The following MACF1 variants were observed in gnomAD, a reference collection of about 807,000 sequenced individuals.
The protein encoded by MACF1 is microtubule-actin cross-linking factor 1.
In MACF1, 193 loss-of-function variants were observed where a neutral mutation model predicts 854.8. The ratio of observed to expected loss-of-function variants is 0.23; its 90% confidence interval spans 0.20 to 0.25. The LOEUF (loss-of-function observed/expected upper bound fraction) is 0.25. Ranked by LOEUF, MACF1 falls within the 10% of genes least tolerant of loss-of-function variation. The pLI is 1.00. For missense variants in MACF1, 7,722 were observed against 8,929.1 expected (o/e 0.86, Z 5.45); for synonymous variants, 3,185 against 3,226.7 (o/e 0.99, Z 0.44).
At chr1:39,135,942 A>AGG (rs1643156493) in intron 2 of MACF1, among the ~76,000 whole-genome samples, 1 of 152,134 alleles carries the variant, frequency 6.6e-6, no homozygotes. Flanking sequence ...TATATAGCTG[A>AGG]GGGGTGATGA....
intron 2 of MACF1, among the ~76,000 whole-genome samples, chr1:39,125,690 G>T (rs1032080164): frequency 3.9e-5 from 6 of 152,272 alleles, no homozygotes; most frequent in Non-Finnish European, 8.8e-5. Flanking sequence ...CCATCTTTTT[G>T]ATTTTAGATT....
At chr1:39,416,788 G>A (rs1314892432) in intron 58 of MACF1, among the ~76,000 whole-genome samples, 1 of 152,218 alleles carries the variant, frequency 6.6e-6, no homozygotes. Context: ...TCTTTGAAGT[G>A]TGGTTACTTT....
intron 2 of MACF1, among the ~76,000 whole-genome samples, chr1:39,093,560 A>G (rs1316571468): frequency 1.4e-5 from 2 of 139,326 alleles, no homozygotes; most frequent in African/African-American, 5.5e-5. Flanking sequence ...ATCTCGGCTC[A>G]CTGCAACTTC....
intron 2 of MACF1, among the ~76,000 whole-genome samples, chr1:39,247,105 C>T (rs1299427446): frequency 5.1e-5 from 6 of 118,484 alleles, no homozygotes; most frequent in African/African-American, 2.0e-4. Context: ...CGGAGTTTCG[C>T]TCTGTTGCCC....
intron 2 of MACF1, among the ~76,000 whole-genome samples, chr1:39,235,511 T>C (rs1644850405): frequency 6.6e-6 from 1 of 152,248 alleles, no homozygotes; most frequent in Non-Finnish European, 1.5e-5. Flanking sequence ...AGGAACCTAT[T>C]TGATTCAGTA....
chr1:39,136,489 C>T (rs762547341), intron 2 of MACF1, among the ~76,000 whole-genome samples: 1 of 152,066 alleles, frequency 6.6e-6, no homozygotes, highest in Non-Finnish European at 1.5e-5. Context: ...CTGGTTTGTC[C>T]CCAGTTCCTG....
chr1:39,100,870 T>A (rs533088832), intron 2 of MACF1, among the ~76,000 whole-genome samples: 13 of 151,536 alleles, frequency 8.6e-5, no homozygotes, highest in East Asian at 2.0e-4. Flanking sequence ...ATAAATAAAT[T>A]AAATTAAATT....
Position 39,485,845 on chromosome 1 carries a change from C to G in MACF1, c.*51C>G, listed in dbSNP as rs1448800431. ...TATCCACTTTGAATCCTGCTCCATA[C>G]ATTGGGTGTATATTTATTCTGAACG... On this transcript the variant is annotated 3_prime_UTR_variant, in exon 101 of 101. Coordinates refer to ENST00000564288, the MANE Select transcript of MACF1 (RefSeq NM_001394062.1). 4.7e-6 allele frequency: 7 copies of G among 1,501,880 alleles called. No individual in the cohort carries two copies. The highest frequency in any genetic ancestry group is 6.2e-6 in the Non-Finnish European group (7 of 1,123,274). The allele number at this position is 1,501,880 out of a possible 1,614,324, so 93.0% of individuals were successfully genotyped here. A position where few individuals can be genotyped will look rare whatever the true frequency, so the allele number is the denominator to read the frequency against.
At chr1:39,390,718 A>G (rs960867760) in intron 58 of MACF1, among the ~76,000 whole-genome samples, 1 of 152,220 alleles carries the variant, frequency 6.6e-6, no homozygotes, top group Non-Finnish European at 1.5e-5. Flanking sequence ...TCAGTTATCC[A>G]ATTTACTTGC....
At chr1:39,344,605 G>A (rs1647006702) in intron 40 of MACF1, among the ~76,000 whole-genome samples, 1 of 152,060 alleles carries the variant, frequency 6.6e-6, no homozygotes, top group Admixed American at 6.5e-5. Flanking sequence ...CTTCCCTTGG[G>A]GTGGGCTGTC....
chr1:39,326,581 T>C (rs984474537), intron 35 of MACF1, among the ~76,000 whole-genome samples: 1 of 149,098 alleles, frequency 6.7e-6, no homozygotes, highest in Non-Finnish European at 1.5e-5. Flanking sequence ...CTCGGGAGGC[T>C]GAGGCAGGAG....
chr1:39,306,158 CT>C (rs544782936), intron 23 of MACF1, among the ~76,000 whole-genome samples: 273 of 142,420 alleles, frequency 1.9e-3, no homozygotes, highest in Non-Finnish European at 2.0e-3. Flanking sequence ...ACTTTCTTTA[CT>C]TTTTTTTTTT....
intron 40 of MACF1, among the ~76,000 whole-genome samples, chr1:39,344,626 G>A (rs1647007082): frequency 6.6e-6 from 1 of 152,174 alleles, no homozygotes; most frequent in African/African-American, 2.4e-5. Flanking sequence ...TGCATGTGCA[G>A]TGACCTGCTA....
intron 2 of MACF1, among the ~76,000 whole-genome samples, chr1:39,119,404 A>G (rs1175174358): frequency 7.0e-6 from 1 of 142,432 alleles, no homozygotes; most frequent in Non-Finnish European, 1.6e-5. Context: ...AAACTCCATT[A>G]TAACATTTCT....
chr1:39,258,118 C>A, intron 6 of MACF1, 90 bp downstream of exon 6: 1 of 1,002,692 alleles, frequency 1.0e-6, no homozygotes, highest in Non-Finnish European at 1.6e-6. Context: ...ATTGAGCCTT[C>A]CTTCTCTCTA....
At chr1:39,115,306 A>T (rs763257913) in intron 2 of MACF1, among the ~76,000 whole-genome samples, 2 of 151,840 alleles carry the variant, frequency 1.3e-5, no homozygotes, top group African/African-American at 4.8e-5. Context: ...TGAAAATAGT[A>T]ATGTAATAAA....
At chr1:39,263,967 G>A (rs1296726447) in intron 6 of MACF1, among the ~76,000 whole-genome samples, 1 of 151,692 alleles carries the variant, frequency 6.6e-6, no homozygotes, top group Non-Finnish European at 1.5e-5. Context: ...TAGAGATGGG[G>A]TTTCACCGTG....
chr1:39,398,569 C>G (rs1642361298), intron 58 of MACF1, among the ~76,000 whole-genome samples: 1 of 152,138 alleles, frequency 6.6e-6, no homozygotes, highest in Non-Finnish European at 1.5e-5. Context: ...TTCTAGAAAG[C>G]TAGGGAATTT....
intron 2 of MACF1, among the ~76,000 whole-genome samples, chr1:39,185,147 C>T (rs1156484274): frequency 6.6e-6 from 1 of 152,078 alleles, no homozygotes; most frequent in Non-Finnish European, 1.5e-5. Flanking sequence ...AAAAAATTAG[C>T]TGGGCGTGGT....
Sources: gnomAD v4.1 joint callset for allele counts (sites outside exome capture counted in the v4.1 genomes callset) on GRCh38, gnomAD v4.1.1 for gene constraint, MANE v1.5 for transcripts, NCBI Gene and HGNC (gene_info 2026-07-23, HGNC 2026-07-21) for gene names.